The following PTPRC variants were observed in gnomAD, a reference collection of about 807,000 sequenced individuals.
PTPRC encodes protein tyrosine phosphatase receptor type C.
In PTPRC, 44 loss-of-function variants were observed where a neutral mutation model predicts 155.9. That is an observed-to-expected ratio of 0.28 (90% CI 0.22 to 0.36). The LOEUF (loss-of-function observed/expected upper bound fraction) is 0.36. Among genes scored for constraint, PTPRC ranks in the 10% least tolerant of loss-of-function variants. The pLI is 1.00. For synonymous variants in PTPRC, 525 were observed against 533.1 expected, an observed-to-expected ratio of 0.98 and a Z score of 0.21; for missense variants, 1,401 against 1,564.6, an observed-to-expected ratio of 0.90 and a Z score of 1.76.
chr1:198,699,523 T>G (rs755666736), intron 4 of PTPRC, 41 bp from the exon 5 acceptor site: 4 of 1,612,834 alleles, frequency 2.5e-6, no homozygotes, highest in Non-Finnish European at 3.4e-6. Flanking sequence ...TCATCTCCAG[T>G]GGGGGAAGAC....
chr1:198,666,469 A>T (rs1265414211), intron 2 of PTPRC, among the ~76,000 whole-genome samples: 1 of 152,202 alleles, frequency 6.6e-6, no homozygotes, highest in Admixed American at 6.5e-5. Context: ...TAAAGAAAAT[A>T]AAGAAATAAT....
Position 198,722,441 on chromosome 1 carries a change from C to G in PTPRC, c.1685C>G (p.Pro562Arg), listed in dbSNP as rs749130052. Reference sequence around the variant, plus strand: ...GCCTATTTTCACAATGGAGACTATCCTGGAGAACCCTTTATTTTACATCAT... The same window carrying G: ...GCCTATTTTCACAATGGAGACTATCGTGGAGAACCCTTTATTTTACATCAT... ...FKAYFHNGDY[P>R]GEPFILHHST... Residue 562 changes from proline to arginine, a missense_variant, in exon 15 of 33, where the codon CCT (proline) becomes CGT (arginine). By Grantham distance (103) the Pro-to-Arg change is moderately radical. Transcript: ENST00000442510. 1 of 1,471,884 alleles carries G rather than the reference C, an allele frequency of 6.8e-7. No homozygotes were observed. Among genetic ancestry groups the G allele is most frequent in the South Asian group, 1.5e-5 (1 of 65,238 alleles). 91.2% of individuals were successfully genotyped at this position (1,471,884 alleles called of 1,614,324 possible).
intron 2 of PTPRC, among the ~76,000 whole-genome samples, chr1:198,669,829 A>AT (rs1370802251): frequency 6.6e-6 from 1 of 152,176 alleles, no homozygotes; most frequent in East Asian, 1.9e-4. Flanking sequence ...TGATGGAGTC[A>AT]TTTTTTTCAA....
In PTPRC at chr1:198,750,637, T is replaced by G; in HGVS notation, c.3207+11T>G. On this transcript the variant is annotated intron_variant, in intron 29 of 32. Coordinates refer to ENST00000442510, the MANE Select transcript of PTPRC (RefSeq NM_002838.5). ...AAACATGGAGACCAGGTTTGTACTTTTGAGGATTTTCTTTTAAGCCTTTCT... is the reference window on the plus strand; with the variant it reads ...AAACATGGAGACCAGGTTTGTACTTGTGAGGATTTTCTTTTAAGCCTTTCT... The G allele has an allele frequency of 6.2e-7, 1 of 1,612,218 alleles. No homozygotes were observed.
At chr1:198,698,586 C>A (rs895570021) in intron 4 of PTPRC, among the ~76,000 whole-genome samples, 1 of 151,890 alleles carries the variant, frequency 6.6e-6, no homozygotes, top group African/African-American at 2.4e-5. Context: ...AAAATGGCTA[C>A]AATGACCATC....
chr1:198,714,925 T>C (rs1274127186), intron 12 of PTPRC, among the ~76,000 whole-genome samples: 2 of 152,202 alleles, frequency 1.3e-5, no homozygotes, highest in African/African-American at 2.4e-5. Flanking sequence ...AAAAATGCAA[T>C]TGACATTAAT....
rs1375567155 is a variant in PTPRC at position 198,757,184 on chromosome 1, G to T, written c.*1003G>T. The T allele has an allele frequency of 6.6e-6, 1 of 151,660 alleles. No individual in the cohort carries two copies. The highest frequency in any genetic ancestry group is 1.5e-5 in the Non-Finnish European group (1 of 67,750). The allele number at this position is 151,660 out of a possible 1,614,324, so 9.4% of individuals were successfully genotyped here. ...AATCCCATTCATAACTTTCATTAAA[G>T]CATTTACTTTGAATTTCTCCAATGC... is the stretch of plus-strand genomic sequence containing the variant. On this transcript the variant is annotated 3_prime_UTR_variant, in exon 33 of 33. Transcript: ENST00000442510.
intron 3 of PTPRC, chr1:198,695,033 T>C: frequency 1.1e-6 from 1 of 950,054 alleles, no homozygotes; most frequent in Non-Finnish European, 1.3e-6. Context: ...TCTATGATCA[T>C]TTTGCATTTC....
At chr1:198,662,660 C>G (rs918704017) in intron 2 of PTPRC, among the ~76,000 whole-genome samples, 1 of 152,054 alleles carries the variant, frequency 6.6e-6, no homozygotes, top group Non-Finnish European at 1.5e-5. Flanking sequence ...AAATGTAGTT[C>G]TCTCCATATT....
intron 2 of PTPRC, among the ~76,000 whole-genome samples, chr1:198,668,324 C>G (rs1664441221): frequency 6.6e-6 from 1 of 152,066 alleles, no homozygotes; most frequent in Non-Finnish European, 1.5e-5. Flanking sequence ...TCACATGCCA[C>G]CATGCCCAGC....
chr1:198,663,809 T>C (rs1456182807), intron 2 of PTPRC, among the ~76,000 whole-genome samples: 1 of 152,210 alleles, frequency 6.6e-6, no homozygotes, highest in African/African-American at 2.4e-5. Context: ...GAATAAATGA[T>C]TGGAAAATAA....
At chr1:198,711,688 A>C (rs1250626047) in intron 11 of PTPRC, among the ~76,000 whole-genome samples, 1 of 152,228 alleles carries the variant, frequency 6.6e-6, no homozygotes, top group Non-Finnish European at 1.5e-5. Context: ...AAAAGCAATA[A>C]ATAGTTTGTA....
At chr1:198,661,546 C>G (rs961914672) in intron 2 of PTPRC, among the ~76,000 whole-genome samples, 1 of 151,668 alleles carries the variant, frequency 6.6e-6, no homozygotes, top group Non-Finnish European at 1.5e-5. Context: ...CATTAATTTT[C>G]TACTAATGAG....
chr1:198,729,568 C>T (rs1000952722), intron 17 of PTPRC, among the ~76,000 whole-genome samples: 1 of 152,092 alleles, frequency 6.6e-6, no homozygotes, highest in Non-Finnish European at 1.5e-5. Flanking sequence ...AAGAATTGGG[C>T]ATTTTTAGTT....
chr1:198,709,755 G>C lies in PTPRC; in HGVS notation c.1102G>C (p.Asp368His). 1 of 1,611,666 alleles carries C rather than the reference G, an allele frequency of 6.2e-7. No individual in the cohort carries two copies. The highest frequency in any genetic ancestry group is 8.5e-7 in the Non-Finnish European group (1 of 1,178,894). ...NLEPEHEYKC[D>H]SEILYNNHKF... ...TGAACCCGAACATGAGTATAAGTGTGACTCAGAAATACTCTATAATAACCA... is the reference window on the plus strand; with the variant it reads ...TGAACCCGAACATGAGTATAAGTGTCACTCAGAAATACTCTATAATAACCA... Residue 368 changes from aspartate to histidine, a missense_variant, in exon 11 of 33, where the codon GAC becomes CAC. By Grantham distance (81) the Asp-to-His change is moderately conservative (BLOSUM62 -1). Coordinates refer to ENST00000442510, the MANE Select transcript of PTPRC (RefSeq NM_002838.5).
intron 32 of PTPRC, among the ~76,000 whole-genome samples, chr1:198,755,153 T>C (rs185316064): frequency 3.3e-5 from 5 of 152,154 alleles, no homozygotes; most frequent in African/African-American, 1.2e-4. Flanking sequence ...GGTAGGGAAA[T>C]AGACTCCACT....
chr1:198,752,771 A>G lies in PTPRC; in HGVS notation c.3508A>G (p.Arg1170Gly). The G allele has an allele frequency of 6.2e-7, 1 of 1,612,240 alleles. No individual in the cohort carries two copies. Residue 1170 changes from arginine (R) to glycine (G), a missense_variant and splice_region_variant, in exon 31 of 33, where the codon AGG becomes GGG. Coordinates refer to ENST00000442510, the MANE Select transcript of PTPRC (RefSeq NM_002838.5). ...GAGTACACCTCTACTCATTCACTGC[A>G]GGTGCGTGGGATTTGGTAGAATGTG... Reference protein sequence around the residue: ...HKSTPLLIHCRDGSQQTGIFC... With the variant: ...HKSTPLLIHCGDGSQQTGIFC...
chr1:198,702,665 C>T (rs1666523369), intron 6 of PTPRC, 135 bp downstream of exon 6: 3 of 1,195,242 alleles, frequency 2.5e-6, no homozygotes, highest in Admixed American at 3.6e-5. Flanking sequence ...CACGTATCAA[C>T]ACCAAATTAT....
chr1:198,743,723 T>G (rs940544765), intron 25 of PTPRC, among the ~76,000 whole-genome samples: 32 of 152,036 alleles, frequency 2.1e-4, no homozygotes, highest in African/African-American at 7.5e-4. Context: ...ATTCAGTAAT[T>G]TGGCTTACTG....
Sources: allele counts gnomAD v4.1 joint callset (sites outside exome capture counted in the v4.1 genomes callset), GRCh38; gene constraint gnomAD v4.1.1; transcripts MANE v1.5; gene names NCBI Gene and HGNC (gene_info 2026-07-23, HGNC 2026-07-21).